Variants in FBXO42 observed in about 807,000 individuals in gnomAD.
FBXO42 encodes F-box only protein 42.
Under a neutral mutation model 71.7 loss-of-function variants are expected in FBXO42, and 12 were observed. The observed-to-expected ratio is 0.17, with a 90% CI of 0.11 to 0.27. The LOEUF (loss-of-function observed/expected upper bound fraction) is 0.27. Among genes scored for constraint, FBXO42 ranks in the 10% least tolerant of loss-of-function variants. FBXO42 has a pLI of 1.00. For missense variants in FBXO42, 707 were observed against 911.9 expected (o/e 0.78, Z 2.89); for synonymous variants, 325 against 327.5 (o/e 0.99, Z 0.08).
chr1:16,275,024 A>G (rs1053702148), intron 4 of FBXO42, among the ~76,000 whole-genome samples: 3 of 152,230 alleles, frequency 2.0e-5, no homozygotes, highest in Admixed American at 1.3e-4. Context: ...GTAAGCAGAA[A>G]TATCAGCAAT....
intron 1 of FBXO42, among the ~76,000 whole-genome samples, chr1:16,319,763 T>A (rs2082397397): frequency 6.6e-6 from 1 of 151,002 alleles, no homozygotes; most frequent in Non-Finnish European, 1.5e-5. Context: ...ATACAAAAAT[T>A]AGCCGGGCAT....
chr1:16,252,396 C>G lies in FBXO42; in HGVS notation c.930G>C (p.Lys310Asn). Residue 310 changes from lysine (K) to asparagine (N), a missense_variant, in exon 9 of 10, where the codon AAG (lysine) becomes AAC (asparagine). Transcript: ENST00000375592. The surrounding 1 kb of genome is among the most constrained non-coding windows in gnomAD (Gnocchi z 4.4). ...GGCGGPNALF[K>N]DAWLLHMHSG... is the part of the protein sequence containing the mutation. ...AATGCATGTGCAACAACCAAGCATC[C>G]TTGAATAGCTGTAAGAGAAAAAACC... The G allele has an allele frequency of 6.2e-7, 1 of 1,613,426 alleles. No individual in the cohort carries two copies. Among genetic ancestry groups the G allele is most frequent in the Non-Finnish European group, 8.5e-7 (1 of 1,179,470 alleles).
chr1:16,346,425 A>G (rs1274209462), intron 1 of FBXO42, among the ~76,000 whole-genome samples: 1 of 152,150 alleles, frequency 6.6e-6, no homozygotes, highest in African/African-American at 2.4e-5. Context: ...GTAGTGGCTC[A>G]CACCTGTAAT....
At chr1:16,347,641 G>A (rs1364726208) in intron 1 of FBXO42, among the ~76,000 whole-genome samples, 1 of 151,892 alleles carries the variant, frequency 6.6e-6, no homozygotes, top group African/African-American at 2.4e-5. Flanking sequence ...GATCACCTGA[G>A]ATCAGGAGCT....
chr1:16,308,753 T>G (rs1472613320), intron 2 of FBXO42, among the ~76,000 whole-genome samples: 1 of 144,552 alleles, frequency 6.9e-6, no homozygotes, highest in East Asian at 2.0e-4. Context: ...TTTTTTTTTT[T>G]TTTTTTTTTG....
Position 16,352,454 on chromosome 1 carries a change from T to C in FBXO42, c.-217A>G, listed in dbSNP as rs1332950743. On this transcript the variant is annotated 5_prime_UTR_variant, in exon 1 of 10. Coordinates refer to ENST00000375592, the MANE Select transcript of FBXO42 (RefSeq NM_018994.3). Reference sequence around the variant, plus strand: ...ACGCCGCCGCCGCCGCAGCTGCTGCTGCTCAGGCCGGGAGAAGACAGCGCA... The same window carrying C: ...ACGCCGCCGCCGCCGCAGCTGCTGCCGCTCAGGCCGGGAGAAGACAGCGCA... 24 of 398,462 alleles carry C rather than the reference T, an allele frequency of 6.0e-5. No homozygotes were observed. The highest frequency in any genetic ancestry group is 5.7e-4 in the East Asian group (16 of 28,076). 24.7% of individuals were successfully genotyped at this position (398,462 alleles called of 1,614,324 possible). A position where few individuals can be genotyped will look rare whatever the true frequency, so the allele number is the denominator to read the frequency against.
chr1:16,339,469 C>T (rs1365563125), intron 1 of FBXO42, among the ~76,000 whole-genome samples: 3 of 151,988 alleles, frequency 2.0e-5, no homozygotes, highest in Admixed American at 1.3e-4. Context: ...CGTGCCACCA[C>T]GCCCAGCTAA....
intron 1 of FBXO42, among the ~76,000 whole-genome samples, chr1:16,327,839 C>T (rs2082463941): frequency 6.6e-6 from 1 of 152,112 alleles, no homozygotes; most frequent in South Asian, 2.1e-4. Context: ...GTAGCTGGGA[C>T]TACAGGCACA....
At chr1:16,320,942 C>G (rs896651188) in intron 1 of FBXO42, among the ~76,000 whole-genome samples, 5 of 152,114 alleles carry the variant, frequency 3.3e-5, no homozygotes, top group Non-Finnish European at 4.4e-5. Flanking sequence ...CTCCCTTGCA[C>G]AACATTTTGA....
chr1:16,343,660 A>G (rs1318997458), intron 1 of FBXO42, among the ~76,000 whole-genome samples: 2 of 152,176 alleles, frequency 1.3e-5, no homozygotes, highest in East Asian at 3.9e-4. Flanking sequence ...CATCTCTACT[A>G]AAAATACAAA....
intron 2 of FBXO42, among the ~76,000 whole-genome samples, chr1:16,311,927 C>T (rs1321606749): frequency 2.0e-5 from 3 of 152,056 alleles, no homozygotes; most frequent in African/African-American, 7.2e-5. Context: ...ATGCTTACAC[C>T]AGCTTTATTA....
chr1:16,279,854 C>CTTTTTTTCTTT (rs1553151077), intron 4 of FBXO42, among the ~76,000 whole-genome samples: 5 of 138,194 alleles, frequency 3.6e-5, no homozygotes, highest in African/African-American at 1.4e-4. Context: ...TTTTTTTTTT[C>CTTTTTTTCTTT]TTTTTTTTTT....
intron 2 of FBXO42, among the ~76,000 whole-genome samples, chr1:16,307,885 C>A (rs1363406397): frequency 6.6e-6 from 1 of 152,164 alleles, no homozygotes; most frequent in Non-Finnish European, 1.5e-5. Flanking sequence ...AGATTCAATG[C>A]AATCCTAGTC....
At position 16,251,631 on chromosome 1, in the gene FBXO42, A is replaced by G. The variant is rs772715779; in HGVS notation, c.1193T>C (p.Met398Thr). Residue 398 changes from methionine to threonine, a missense_variant, in exon 10 of 10, where the codon ATG becomes ACG. Met to Thr is a moderately conservative substitution (Grantham distance 81, BLOSUM62 -1). Around this residue, in one of 5 missense-constraint regions of FBXO42, gnomAD observed 482 missense variants for 587.1 expected, o/e 0.82. Transcript: ENST00000375592. The surrounding 1 kb of genome is among the most constrained non-coding windows in gnomAD (Gnocchi z 4.5). The stretch of plus-strand genomic sequence containing the variant: ...GCCGTTAACACAAGGAGCTTCATCC[A>G]TGCTTCTTACTGGAGACTGAGAGCG... The part of the protein sequence containing the change: ...EYRSQSPVRS[M>T]DEAPCVNGRW... 6.2e-7 allele frequency: 1 copy of G among 1,614,226 alleles called. No individual in the cohort carries two copies. The highest frequency in any genetic ancestry group is 1.7e-5 in the Admixed American group (1 of 60,020).
At chr1:16,342,002 C>T (rs2082609804) in intron 1 of FBXO42, among the ~76,000 whole-genome samples, 2 of 148,964 alleles carry the variant, frequency 1.3e-5, no homozygotes, top group Admixed American at 6.7e-5. Context: ...CTGGGCCAGG[C>T]GCAGTGGCTC....
At chr1:16,304,113 ATTT>A (rs141862662) in intron 3 of FBXO42, among the ~76,000 whole-genome samples, 6 of 127,524 alleles carry the variant, frequency 4.7e-5, no homozygotes, top group Admixed American at 8.1e-5. Context: ...CCAAATTTGT[ATTT>A]TTTTTTTTTT....
intron 1 of FBXO42, among the ~76,000 whole-genome samples, chr1:16,336,585 G>A (rs1289495719): frequency 6.6e-6 from 1 of 150,756 alleles, no homozygotes; most frequent in East Asian, 2.0e-4. Flanking sequence ...TTGAACTCCT[G>A]ACCTCAAGCA....
intron 3 of FBXO42, among the ~76,000 whole-genome samples, chr1:16,300,024 T>TGA (rs1237304809): frequency 5.3e-5 from 8 of 152,312 alleles, no homozygotes; most frequent in African/African-American, 1.9e-4. Flanking sequence ...TAGATTGATC[T>TGA]GAGAGGGGCA....
At chr1:16,334,355 C>G (rs1331292710) in intron 1 of FBXO42, among the ~76,000 whole-genome samples, 1 of 150,268 alleles carries the variant, frequency 6.7e-6, no homozygotes. Flanking sequence ...ATGGCGTGAA[C>G]CCGGGAGGCG....
Sources: allele counts gnomAD v4.1 joint callset (sites outside exome capture counted in the v4.1 genomes callset), GRCh38; gene constraint gnomAD v4.1.1; regional missense constraint gnomAD v4.1.1; non-coding constraint Gnocchi (gnomAD v3.1); transcripts MANE v1.5; gene names NCBI Gene and HGNC (gene_info 2026-07-23, HGNC 2026-07-21).